Variants in SORL1 observed in about 807,000 individuals in gnomAD.
SORL1 encodes the protein sortilin related receptor 1, also known as sortilin-related receptor.
SORL1 carries 127 observed loss-of-function variants against 273.7 expected under a neutral mutation model. The observed-to-expected ratio is 0.46, with a 90% CI of 0.40 to 0.54. The LOEUF is 0.54. Among genes scored for constraint, SORL1 ranks in the 20% least tolerant of loss-of-function variants. The pLI, the probability that SORL1 is intolerant of heterozygous loss-of-function variation, is 0.00. For missense variants in SORL1, 2,494 were observed against 2,846.1 expected (o/e 0.88, Z 2.81); for synonymous variants, 1,031 against 1,067.4 (o/e 0.97, Z 0.66).
At chr11:121,482,658 A>G (rs1350267400) in intron 3 of SORL1, among the ~76,000 whole-genome samples, 1 of 152,266 alleles carries the variant, frequency 6.6e-6, no homozygotes, top group Non-Finnish European at 1.5e-5. Flanking sequence ...AAATCACACA[A>G]GGCTGGATGC....
At chr11:121,465,430 C>T (rs558464175) in intron 1 of SORL1, among the ~76,000 whole-genome samples, 4 of 152,140 alleles carry the variant, frequency 2.6e-5, no homozygotes, top group Non-Finnish European at 2.9e-5. Context: ...TTCTAGCTAC[C>T]GTCATTTAGT....
Position 121,565,834 on chromosome 11 carries a change from G to GCT in SORL1, c.3050-1106_3050-1105insCT, listed in dbSNP as rs1481837665. Reference sequence around the variant, plus strand: ...TTCATCCACAAAGGCTCCTTCTCAAGAGTGCAGTGGTGGATTTTACGAACT... The same window carrying GCT: ...TTCATCCACAAAGGCTCCTTCTCAAGCTAGTGCAGTGGTGGATTTTACGAACT... On this transcript the variant is annotated intron_variant, in intron 21 of 47. Transcript: ENST00000260197. Among the ~76,000 whole-genome samples, 5 of 152,210 alleles carry GCT rather than the reference G, an allele frequency of 3.3e-5. No homozygotes were observed. The East Asian group carries it at 9.6e-4, about 29-fold the overall frequency.
intron 21 of SORL1, among the ~76,000 whole-genome samples, chr11:121,564,324 A>C (rs1023020079): frequency 6.6e-6 from 1 of 152,194 alleles, no homozygotes; most frequent in African/African-American, 2.4e-5. Context: ...TCTTAGGATC[A>C]GTGACTTGGT....
In SORL1 at chr11:121,629,730, T is replaced by C. The variant is rs1256432762; in HGVS notation, c.*167T>C. 3 of 592,604 alleles carry C rather than the reference T, an allele frequency of 5.1e-6. No individual in the cohort carries two copies. The highest frequency in any genetic ancestry group is 5.6e-5 in the East Asian group (2 of 35,954). 36.7% of individuals were successfully genotyped at this position (592,604 alleles called of 1,614,324 possible). On this transcript the variant is annotated 3_prime_UTR_variant, in exon 48 of 48. Coordinates refer to ENST00000260197, the MANE Select transcript of SORL1 (RefSeq NM_003105.6). The stretch of plus-strand genomic sequence containing the variant: ...AGGAAAGAAAGGAATGAATAAACTT[T>C]GTAGTAATCAACTGTGAACTTCAAA...
intron 6 of SORL1, among the ~76,000 whole-genome samples, chr11:121,511,437 A>G (rs1319953358): frequency 6.6e-6 from 1 of 152,238 alleles, no homozygotes; most frequent in Non-Finnish European, 1.5e-5. Context: ...GTATGTGTAT[A>G]GGCTGACTTA....
chr11:121,521,961 C>T (rs1375319500), intron 9 of SORL1, among the ~76,000 whole-genome samples: 1 of 152,208 alleles, frequency 6.6e-6, no homozygotes, highest in African/African-American at 2.4e-5. Flanking sequence ...TGATTGCTTG[C>T]AGAGCTATGA....
At position 121,452,327 on chromosome 11, in the gene SORL1, C is replaced by G. The variant is rs1310613209; in HGVS notation, c.-5C>G. 1.5e-5 allele frequency: 23 copies of G among 1,531,826 alleles called. No individual in the cohort carries two copies. Among genetic ancestry groups the G allele is most frequent in the Non-Finnish European group, 1.9e-5 (22 of 1,143,770 alleles). The allele number at this position is 1,531,826 out of a possible 1,614,324, so 94.9% of individuals were successfully genotyped here. On this transcript the variant is annotated 5_prime_UTR_variant, in exon 1 of 48. Transcript: ENST00000260197. This position sits in a 1 kb window ranked among gnomAD's most constrained non-coding sequence, Gnocchi z 5.3. ...GGCGCCACCTGCAGTAGCGTTCGCC[C>G]GAACATGGCGACACGGAGCAGCAGG...
At chr11:121,594,023 A>G (rs985546721) in intron 31 of SORL1, among the ~76,000 whole-genome samples, 1 of 152,130 alleles carries the variant, frequency 6.6e-6, no homozygotes, top group Non-Finnish European at 1.5e-5. Context: ...TTGGCGTGCT[A>G]GATTGTAAGT....
chr11:121,469,784 A>T (rs972136680), intron 1 of SORL1, among the ~76,000 whole-genome samples: 7 of 152,220 alleles, frequency 4.6e-5, no homozygotes, highest in Non-Finnish European at 1.0e-4. Context: ...CTTTTCTACA[A>T]TCTCTTTACA....
At chr11:121,592,365 T>G (rs752350369) in intron 31 of SORL1, among the ~76,000 whole-genome samples, 1 of 152,196 alleles carries the variant, frequency 6.6e-6, no homozygotes, top group Non-Finnish European at 1.5e-5. Flanking sequence ...TATAAAAAAA[T>G]GTAGAATCAG....
intron 6 of SORL1, among the ~76,000 whole-genome samples, chr11:121,506,598 CAT>C (rs1252798263): frequency 6.6e-6 from 1 of 152,198 alleles, no homozygotes; most frequent in Non-Finnish European, 1.5e-5. Context: ...CCTCCCATGA[CAT>C]GTGGGAATTC....
chr11:121,469,218 A>T (rs1861134731), intron 1 of SORL1, among the ~76,000 whole-genome samples: 1 of 152,186 alleles, frequency 6.6e-6, no homozygotes, highest in South Asian at 2.1e-4. Flanking sequence ...AGTGGCCCTG[A>T]TGACTTCTCT....
chr11:121,600,319 GT>G (rs1403488094), intron 32 of SORL1, among the ~76,000 whole-genome samples: 1 of 152,166 alleles, frequency 6.6e-6, no homozygotes, highest in Admixed American at 6.5e-5. Flanking sequence ...CATGTTGAAA[GT>G]TCTCATCAGG....
intron 31 of SORL1, among the ~76,000 whole-genome samples, chr11:121,594,859 A>C (rs930760843): frequency 6.6e-6 from 1 of 151,952 alleles, no homozygotes. Flanking sequence ...CCATGGGGGA[A>C]CTCTGAATCT....
In SORL1 at chr11:121,583,462, C is replaced by T. The variant is rs370713517; in HGVS notation, c.3585C>T (p.Ile1195=). 3.7e-6 allele frequency: 6 copies of T among 1,611,262 alleles called. No homozygotes were observed. In the African/African-American group the frequency reaches 8.0e-5, roughly 22 times the overall value. Residue 1195 remains isoleucine, a synonymous_variant, in exon 26 of 48, where the codon ATC becomes ATT. Transcript: ENST00000260197. ...DWSDEANCTA[I]YHTCEASNFQ... ...TGTCTCTCTTCTCTGTTACAGCCAT[C>T]TATCACACCTGTGAGGCCTCCAACT... is the stretch of plus-strand genomic sequence containing the variant.
chr11:121,598,433 G>C (rs950647166), intron 32 of SORL1, among the ~76,000 whole-genome samples: 11 of 152,168 alleles, frequency 7.2e-5, no homozygotes, highest in South Asian at 6.2e-4. Flanking sequence ...ATGAGGAGTC[G>C]CAGCTTTCCC....
intron 3 of SORL1, among the ~76,000 whole-genome samples, chr11:121,478,732 CTG>C (rs111625058): frequency 6.1e-5 from 9 of 148,482 alleles, no homozygotes; most frequent in East Asian, 6.0e-4. Flanking sequence ...ATGTGGGTAA[CTG>C]TGTGTGTGCT....
chr11:121,627,215 A>T lies in SORL1; in HGVS notation c.6365-340A>T, dbSNP rs1018277590. 1 of 258,554 alleles carries T rather than the reference A, an allele frequency of 3.9e-6. No homozygotes were observed. The highest frequency in any genetic ancestry group is 7.5e-6 in the Non-Finnish European group (1 of 132,666). 16.0% of individuals were successfully genotyped at this position (258,554 alleles called of 1,614,324 possible). ...ATTTCACATCCTCTTATGTAAGGCA[A>T]GCAAGTGGTCTTAAGTAATAATGCT... is the stretch of plus-strand genomic sequence containing the variant. On this transcript the variant is annotated intron_variant, in intron 46 of 47. Coordinates refer to ENST00000260197, the MANE Select transcript of SORL1 (RefSeq NM_003105.6). This position sits in a 1 kb window ranked among gnomAD's most constrained non-coding sequence, Gnocchi z 4.9.
intron 3 of SORL1, among the ~76,000 whole-genome samples, chr11:121,485,904 G>A (rs1861465479): frequency 6.6e-6 from 1 of 152,228 alleles, no homozygotes; most frequent in Admixed American, 6.5e-5. Flanking sequence ...AGATTTACCT[G>A]AGATGCTGGG....
Sources: gnomAD v4.1 joint callset for allele counts (sites outside exome capture counted in the v4.1 genomes callset) on GRCh38, gnomAD v4.1.1 for gene constraint, Gnocchi (gnomAD v3.1) non-coding constraint, MANE v1.5 for transcripts, NCBI Gene and HGNC (gene_info 2026-07-23, HGNC 2026-07-21) for gene names.